CHRM3: variants seen among roughly 807,000 people sequenced by gnomAD.
CHRM3 encodes muscarinic acetylcholine receptor M3.
CHRM3 carries 11 observed loss-of-function variants against 41.8 expected under a neutral mutation model. The ratio of observed to expected loss-of-function variants is 0.26; its 90% CI spans 0.17 to 0.44. The LOEUF is 0.44. CHRM3 is among the 20% of genes least tolerant of loss of function. CHRM3 has a pLI of 1.00. For synonymous variants in CHRM3, 297 were observed against 301.4 expected, an observed-to-expected ratio of 0.99 and a Z score of 0.15; for missense variants, 571 against 745.4, an observed-to-expected ratio of 0.77 and a Z score of 2.72.
chr1:239,443,244 A>G (rs1443745560), intron 1 of CHRM3, among the ~76,000 whole-genome samples: 1 of 152,210 alleles, frequency 6.6e-6, no homozygotes, highest in Non-Finnish European at 1.5e-5. Flanking sequence ...AAAGTCATTT[A>G]TGGGCAGTTG....
intron 5 of CHRM3, among the ~76,000 whole-genome samples, chr1:239,690,619 A>T (rs1659625333): frequency 6.6e-6 from 1 of 152,102 alleles, no homozygotes; most frequent in Admixed American, 6.6e-5. Context: ...AACACAAATT[A>T]CTTTCTCATC....
In CHRM3 at chr1:239,907,551, G is replaced by A. The variant is rs201042655; in HGVS notation, c.100G>A (p.Val34Ile). ...CGATGCAGGGCTGCCCCCGGGAACC[G>A]TCACTCATTTCGGCAGCTACAATGT... ...PSDAGLPPGT[V>I]THFGSYNVSR... is the part of the protein sequence containing the mutation. The change falls in exon 7 of 7, where the codon GTC (valine) becomes ATC (isoleucine). Residue 34 changes from valine to isoleucine, a missense_variant. By Grantham distance (29) the Val-to-Ile change is conservative. This residue lies in a region of CHRM3 where 92 missense variants were observed against 76.1 expected (regional missense o/e 1.21). Coordinates refer to ENST00000676153, the MANE Select transcript of CHRM3 (RefSeq NM_001375978.1). This position sits in a 1 kb window ranked among gnomAD's most constrained non-coding sequence, Gnocchi z 5.4. 3.5e-5 allele frequency: 57 copies of A among 1,613,982 alleles called. No homozygotes were observed. Among genetic ancestry groups the A allele is most frequent in the East Asian group, 4.5e-5 (2 of 44,888 alleles).
intron 4 of CHRM3, among the ~76,000 whole-genome samples, chr1:239,633,491 C>T (rs1558400867): frequency 6.6e-6 from 1 of 152,142 alleles, no homozygotes; most frequent in Non-Finnish European, 1.5e-5. Context: ...CAAACCTTAT[C>T]ACTACCCTCT....
chr1:239,424,874 C>A (rs984408975), intron 1 of CHRM3, among the ~76,000 whole-genome samples: 11 of 152,144 alleles, frequency 7.2e-5, no homozygotes, highest in Admixed American at 2.6e-4. Context: ...ATAATCCAAA[C>A]CATTGAGCAA....
Position 239,909,538 on chromosome 1 carries a change from T to C in CHRM3, c.*314T>C, listed in dbSNP as rs1680241016. 3 of 248,482 alleles carry C rather than the reference T, an allele frequency of 1.2e-5. No homozygotes were observed. In the South Asian group the frequency reaches 2.7e-4, roughly 23 times the overall value. The allele number at this position is 248,482 out of a possible 1,614,324, so 15.4% of individuals were successfully genotyped here. On this transcript the variant is annotated 3_prime_UTR_variant, in exon 7 of 7. Coordinates refer to ENST00000676153, the MANE Select transcript of CHRM3 (RefSeq NM_001375978.1). ...CGGCAATTATATACCCAAAGTGATT[T>C]GCCTGGGTCCTTTAATTCCCATTAG...
chr1:239,570,857 A>G (rs1311417996), intron 3 of CHRM3, among the ~76,000 whole-genome samples: 1 of 152,140 alleles, frequency 6.6e-6, no homozygotes, highest in Non-Finnish European at 1.5e-5. Flanking sequence ...GAGTAAAAAT[A>G]TTTCCATTCC....
At chr1:239,544,168 G>T (rs1239871615) in intron 2 of CHRM3, among the ~76,000 whole-genome samples, 1 of 152,164 alleles carries the variant, frequency 6.6e-6, no homozygotes, top group African/African-American at 2.4e-5. Flanking sequence ...GACCACTAGA[G>T]TCTCCAAGCT....
At chr1:239,600,646 G>C (rs146051708) in intron 3 of CHRM3, among the ~76,000 whole-genome samples, 2 of 151,794 alleles carry the variant, frequency 1.3e-5, no homozygotes, top group African/African-American at 4.8e-5. Flanking sequence ...ATATATCAAA[G>C]AAGTATTTAT....
chr1:239,650,028 C>T (rs1385457562), intron 4 of CHRM3, among the ~76,000 whole-genome samples: 2 of 152,202 alleles, frequency 1.3e-5, no homozygotes, highest in Admixed American at 6.5e-5. Context: ...TGATCTCAGA[C>T]AGCCCTCGGT....
intron 6 of CHRM3, among the ~76,000 whole-genome samples, chr1:239,866,027 G>T (rs1370154184): frequency 2.6e-5 from 4 of 152,076 alleles, no homozygotes; most frequent in African/African-American, 9.7e-5. Context: ...TATGATGGGG[G>T]CTTTTACTAT....
At chr1:239,877,116 G>C (rs1000815137) in intron 6 of CHRM3, among the ~76,000 whole-genome samples, 4 of 152,108 alleles carry the variant, frequency 2.6e-5, no homozygotes, top group Admixed American at 6.6e-5. Context: ...CACACACAGA[G>C]TCATCCTGTT....
At chr1:239,523,009 G>C (rs1426658292) in intron 2 of CHRM3, among the ~76,000 whole-genome samples, 1 of 152,062 alleles carries the variant, frequency 6.6e-6, no homozygotes, top group Admixed American at 6.5e-5. Context: ...CCTAAGATCA[G>C]GCATCCTACC....
intron 5 of CHRM3, among the ~76,000 whole-genome samples, chr1:239,815,399 AT>A (rs1328520365): frequency 1.3e-5 from 2 of 152,170 alleles, no homozygotes; most frequent in Admixed American, 1.3e-4. Context: ...AAGTTTTGTT[AT>A]TTGTAAAATT....
At chr1:239,472,124 G>A (rs1666170822) in intron 1 of CHRM3, among the ~76,000 whole-genome samples, 1 of 152,116 alleles carries the variant, frequency 6.6e-6, no homozygotes, top group Non-Finnish European at 1.5e-5. Context: ...GTGATTGCAA[G>A]CTTATTAGCC....
intron 6 of CHRM3, among the ~76,000 whole-genome samples, chr1:239,890,291 G>A (rs531237306): frequency 6.6e-6 from 1 of 151,684 alleles, no homozygotes; most frequent in East Asian, 2.0e-4. Context: ...AGGTTGTGGT[G>A]AGCCGAAATC....
At chr1:239,808,979 C>T (rs1670885549) in intron 5 of CHRM3, among the ~76,000 whole-genome samples, 1 of 151,360 alleles carries the variant, frequency 6.6e-6, no homozygotes, top group Admixed American at 6.6e-5. Context: ...TTGATATTTC[C>T]CTCACCCTGT....
intron 3 of CHRM3, among the ~76,000 whole-genome samples, chr1:239,596,056 T>C (rs1664738565): frequency 6.6e-6 from 1 of 152,194 alleles, no homozygotes; most frequent in Non-Finnish European, 1.5e-5. Flanking sequence ...TTTATAAAAG[T>C]TAAAGTTTGA....
intron 3 of CHRM3, among the ~76,000 whole-genome samples, chr1:239,550,232 T>A (rs939345066): frequency 6.6e-6 from 1 of 152,184 alleles, no homozygotes; most frequent in Admixed American, 6.5e-5. Flanking sequence ...AAACTCAGTT[T>A]ACAGGCACGG....
intron 1 of CHRM3, among the ~76,000 whole-genome samples, chr1:239,402,724 G>T (rs1660086897): frequency 6.6e-6 from 1 of 152,134 alleles, no homozygotes; most frequent in Non-Finnish European, 1.5e-5. Context: ...ACGGGTATTG[G>T]CTCCAGGACC....
Sources: gnomAD v4.1 joint callset for allele counts (sites outside exome capture counted in the v4.1 genomes callset) on GRCh38, gnomAD v4.1.1 for gene constraint, gnomAD v4.1.1 regional missense constraint, Gnocchi (gnomAD v3.1) non-coding constraint, MANE v1.5 for transcripts, NCBI Gene and HGNC (gene_info 2026-07-23, HGNC 2026-07-21) for gene names.